CLEC9A: variants seen among roughly 807,000 people sequenced by gnomAD.
The protein encoded by CLEC9A is C-type lectin domain containing 9A, also known as C-type lectin domain family 9 member A.
In CLEC9A, 24 loss-of-function variants were observed where a neutral mutation model predicts 30.0. The observed-to-expected ratio is 0.80, with a 90% CI of 0.58 to 1.13. The LOEUF is 1.13. Ranked by LOEUF, CLEC9A falls within the 50% of genes most tolerant of loss-of-function variation. The pLI is 0.00. For synonymous variants in CLEC9A, 111 were observed against 96.8 expected, an observed-to-expected ratio of 1.15 and a Z score of -0.86; for missense variants, 251 against 280.9, an observed-to-expected ratio of 0.89 and a Z score of 0.76.
intron 1 of CLEC9A, among the ~76,000 whole-genome samples, chr12:10,032,566 T>A (rs888460330): frequency 2.0e-5 from 3 of 152,034 alleles, no homozygotes; most frequent in Non-Finnish European, 4.4e-5. Context: ...AATTTTTTTT[T>A]ATTTTTAGTA....
Position 10,036,890 on chromosome 12 carries a change from A to G in CLEC9A, c.-317-4576A>G, listed in dbSNP as rs566644089. On this transcript the variant is annotated intron_variant, in intron 1 of 8. Transcript: ENST00000355819. ...CAGGATGATAATGCCCGTCATACAT[A>G]TATGCATTCATTCATTCAACAAATA... 3.9e-5 allele frequency among the ~76,000 whole-genome samples: 6 copies of G among 152,352 alleles called. No individual in the cohort carries two copies. The South Asian group carries it at 1.2e-3, about 32-fold the overall frequency.
Position 10,030,860 on chromosome 12 carries a change from A to T in CLEC9A, c.-430A>T, listed in dbSNP as rs1362375012. ...TAAACCCAGCCATTTATGTGACAAT[A>T]GCATTTTTATTTTTCTTATCAAGAT... On this transcript the variant is annotated 5_prime_UTR_variant, in exon 1 of 9. Transcript: ENST00000355819. 4 of 152,246 alleles carry T rather than the reference A, an allele frequency of 2.6e-5. No individual in the cohort carries two copies. Among genetic ancestry groups the T allele is most frequent in the African/African-American group, 9.6e-5 (4 of 41,468 alleles). The allele number at this position is 152,246 out of a possible 1,614,324, so 9.4% of individuals were successfully genotyped here. A position where few individuals can be genotyped will look rare whatever the true frequency, so the allele number is the denominator to read the frequency against.
At chr12:10,065,436 TA>T in intron 8 of CLEC9A, 63 bp from the exon 9 acceptor site, 4 of 1,592,054 alleles carry the variant, frequency 2.5e-6, no homozygotes, top group Middle Eastern at 3.3e-4. Context: ...TCTCATTAGT[TA>T]CCCTCAGGAG....
intron 2 of CLEC9A, among the ~76,000 whole-genome samples, chr12:10,047,268 A>G (rs141158248): frequency 3.5e-4 from 54 of 152,338 alleles, no homozygotes; most frequent in African/African-American, 1.2e-3. Flanking sequence ...AAAATTAGCC[A>G]TAACTTTGGC....
chr12:10,047,640 C>A (rs1224955737), intron 2 of CLEC9A, among the ~76,000 whole-genome samples: 1 of 152,156 alleles, frequency 6.6e-6, no homozygotes, highest in Non-Finnish European at 1.5e-5. Flanking sequence ...CACAATAAAG[C>A]AATTATTGCA....
chr12:10,063,876 T>C (rs1171591371), intron 7 of CLEC9A, among the ~76,000 whole-genome samples: 1 of 152,038 alleles, frequency 6.6e-6, no homozygotes, highest in Non-Finnish European at 1.5e-5. Context: ...GGGATGGTGG[T>C]GGGAGCCTGT....
At chr12:10,032,483 C>A (rs1366849655) in intron 1 of CLEC9A, among the ~76,000 whole-genome samples, 2 of 151,384 alleles carry the variant, frequency 1.3e-5, no homozygotes, top group African/African-American at 4.9e-5. Context: ...CTCCGCCTCC[C>A]GGGTTCACGC....
At chr12:10,060,619 G>A (rs1377468999) in intron 5 of CLEC9A, 3 of 154,712 alleles carry the variant, frequency 1.9e-5, no homozygotes, top group Non-Finnish European at 4.3e-5. Context: ...TGGAGGAGCC[G>A]AGTATCTTGA....
chr12:10,060,763 C>G lies in CLEC9A; in HGVS notation c.173-364C>G, dbSNP rs1441560863. 1.4e-5 allele frequency: 3 copies of G among 218,866 alleles called. No homozygotes were observed. In the Admixed American group the frequency reaches 1.9e-4, roughly 14 times the overall value. The allele number at this position is 218,866 out of a possible 1,614,324, so 13.6% of individuals were successfully genotyped here. On this transcript the variant is annotated intron_variant, in intron 5 of 8. Coordinates refer to ENST00000355819, the MANE Select transcript of CLEC9A (RefSeq NM_207345.4). The stretch of plus-strand genomic sequence containing the variant: ...GCAAAACCATGTAAATATATTGTTA[C>G]CATTTGTGTTAAGGGGAGAGAGCGA...
At chr12:10,048,956 T>C (rs1291103105) in intron 2 of CLEC9A, among the ~76,000 whole-genome samples, 1 of 152,184 alleles carries the variant, frequency 6.6e-6, no homozygotes, top group East Asian at 1.9e-4. Context: ...TCACTATCCA[T>C]GGCAGTGATA....
chr12:10,052,765 C>G lies in CLEC9A; in HGVS notation c.78C>G (p.Ser26=). The G allele has an allele frequency of 6.2e-7, 1 of 1,613,452 alleles. No individual in the cohort carries two copies. Among genetic ancestry groups the G allele is most frequent in the Non-Finnish European group, 8.5e-7 (1 of 1,179,696 alleles). ...APDTYQKCLS[S]NKCSGACCLV... ...ACACTTACCAGAAATGTCTGTCTTC[C>G]AACAAATGTTCAGGTAACCAGTTCT... The change falls in exon 4 of 9, where the codon TCC becomes TCG. Residue 26 remains serine (S), a synonymous_variant. Transcript: ENST00000355819.
chr12:10,033,538 C>T (rs889735431), intron 1 of CLEC9A, among the ~76,000 whole-genome samples: 1 of 152,160 alleles, frequency 6.6e-6, no homozygotes, highest in Admixed American at 6.5e-5. Flanking sequence ...TTCTCCATCT[C>T]GATAAATGAA....
At chr12:10,051,403 C>G (rs1318577820) in intron 2 of CLEC9A, among the ~76,000 whole-genome samples, 1 of 152,126 alleles carries the variant, frequency 6.6e-6, no homozygotes, top group Non-Finnish European at 1.5e-5. Context: ...GATCAGGGCT[C>G]TTGTCAGGCA....
intron 5 of CLEC9A, among the ~76,000 whole-genome samples, chr12:10,056,251 G>C (rs368152732): frequency 1.3e-5 from 2 of 151,782 alleles, no homozygotes; most frequent in Admixed American, 1.3e-4. Flanking sequence ...TACTACTTTT[G>C]GAAATTGTAC....
chr12:10,049,102 A>G (rs1865871834), intron 2 of CLEC9A, among the ~76,000 whole-genome samples: 1 of 152,282 alleles, frequency 6.6e-6, no homozygotes, highest in East Asian at 1.9e-4. Flanking sequence ...TCGGAGCTCT[A>G]GAGTGAATAG....
At chr12:10,050,858 G>T (rs1293386260) in intron 2 of CLEC9A, among the ~76,000 whole-genome samples, 1 of 152,062 alleles carries the variant, frequency 6.6e-6, no homozygotes, top group Non-Finnish European at 1.5e-5. Flanking sequence ...GTGGGATTAG[G>T]TTACATTAAT....
chr12:10,058,536 T>C lies in CLEC9A; in HGVS notation c.173-2591T>C, dbSNP rs544971062. ...TAAAACAGATCAGAATATGTAGATA[T>C]GTAAATGTTTTCTTTTTCTTTTCTT... On this transcript the variant is annotated intron_variant, in intron 5 of 8. Coordinates refer to ENST00000355819, the MANE Select transcript of CLEC9A (RefSeq NM_207345.4). Among the ~76,000 whole-genome samples, 4 of 152,300 alleles carry C rather than the reference T, an allele frequency of 2.6e-5. No homozygotes were observed. In the South Asian group the frequency reaches 6.2e-4, roughly 24 times the overall value.
At chr12:10,040,458 T>TC (rs1037790499) in intron 1 of CLEC9A, among the ~76,000 whole-genome samples, 1 of 151,900 alleles carries the variant, frequency 6.6e-6, no homozygotes, top group African/African-American at 2.4e-5. Context: ...GGCAATTTTT[T>TC]TTTTTTTTTT....
intron 1 of CLEC9A, among the ~76,000 whole-genome samples, chr12:10,031,807 A>C (rs1865699429): frequency 6.6e-6 from 1 of 152,090 alleles, no homozygotes; most frequent in Admixed American, 6.5e-5. Context: ...TTACGCACAA[A>C]TTACTATGGC....
Sources: allele counts gnomAD v4.1 joint callset (sites outside exome capture counted in the v4.1 genomes callset), GRCh38; gene constraint gnomAD v4.1.1; transcripts MANE v1.5; gene names NCBI Gene and HGNC (gene_info 2026-07-23, HGNC 2026-07-21).